The following MUC5B variants were observed in gnomAD, a reference collection of about 807,000 sequenced individuals.
MUC5B encodes the protein mucin-5B.
Under a neutral mutation model 376.9 loss-of-function variants are expected in MUC5B, and 116 were observed. The ratio of observed to expected loss-of-function variants is 0.31; its 90% CI spans 0.26 to 0.36. The LOEUF (loss-of-function observed/expected upper bound fraction) is 0.36, where lower values mean the gene tolerates loss of function less well. MUC5B is among the 10% of genes least tolerant of loss of function. The pLI is 1.00. For missense variants in MUC5B, 7,165 were observed against 7,769.9 expected, an observed-to-expected ratio of 0.92 and a Z score of 2.93; for synonymous variants, 3,517 against 3,390.9, an observed-to-expected ratio of 1.04 and a Z score of -1.29.
At position 1,231,014 on chromosome 11, in the gene MUC5B, C is replaced by T. The variant is rs1862015943; in HGVS notation, c.1540+9C>T. 4 of 1,586,294 alleles carry T rather than the reference C, an allele frequency of 2.5e-6. No individual in the cohort carries two copies. The highest frequency in any genetic ancestry group is 3.4e-6 in the Non-Finnish European group (4 of 1,167,404). ...GCTGCCCCTGTCGGCAGGTATGTGG[C>T]TCTCCCAGGACGGCCGGGCTGGGTG... On this transcript the variant is annotated intron_variant, in intron 13 of 48. Transcript: ENST00000529681.
At chr11:1,226,989 C>A (rs760924510) in intron 4 of MUC5B, 42 bp from the exon 5 acceptor site, 1 of 1,582,992 alleles carries the variant, frequency 6.3e-7, no homozygotes, top group East Asian at 2.3e-5. Context: ...GGCAGGCAGC[C>A]AGGAGAGCGG....
Position 1,254,254 on chromosome 11 carries a change from C to A in MUC5B, c.15380C>A (p.Ala5127Asp), listed in dbSNP as rs773284464. ...DNHYCTASAT[A>D]AAARCPRALS... ...CACTACTGCACGGCCTCTGCCACTG[C>A]CGCTGCCGCCCGCTGCCCCCGCGCC... Residue 5127 changes from alanine (A) to aspartate (D), a missense_variant, in exon 34 of 49, where the codon GCC becomes GAC. By Grantham distance (126) the Ala-to-Asp change is moderately radical. Transcript: ENST00000529681. 6 of 1,612,086 alleles carry A rather than the reference C, an allele frequency of 3.7e-6. No individual in the cohort carries two copies. The East Asian group carries it at 1.3e-4, about 36-fold the overall frequency.
intron 23 of MUC5B, among the ~76,000 whole-genome samples, chr11:1,236,090 G>T (rs933526295): frequency 1.3e-5 from 2 of 152,210 alleles, no homozygotes; most frequent in Non-Finnish European, 2.9e-5. Flanking sequence ...GTGTGAGGGC[G>T]TGGGGGCTGC....
In MUC5B at chr11:1,258,098, G is replaced by A; in HGVS notation, c.16451-1G>A. ...AGACAGTGGCCTCCATCCTCCCGCA[G>A]TGTGCAACACAACCACCTGCCCCCA... On this transcript the variant is annotated splice_acceptor_variant, in intron 41 of 48. Coordinates refer to ENST00000529681, the MANE Select transcript of MUC5B (RefSeq NM_002458.3). LOFTEE classifies it high-confidence loss of function. The surrounding 1 kb of genome is among the most constrained non-coding windows in gnomAD (Gnocchi z 5.5). 6.3e-7 allele frequency: 1 copy of A among 1,580,202 alleles called. No individual in the cohort carries two copies. Among genetic ancestry groups the A allele is most frequent in the Non-Finnish European group, 8.6e-7 (1 of 1,165,180 alleles).
In MUC5B at chr11:1,242,472, C is replaced by T. The variant is rs200172415; in HGVS notation, c.5592C>T (p.Gly1864=). The T allele has an allele frequency of 6.2e-7, 1 of 1,613,792 alleles. No homozygotes were observed. The highest frequency in any genetic ancestry group is 8.5e-7 in the Non-Finnish European group (1 of 1,179,820). Residue 1864 remains glycine, a synonymous_variant, in exon 31 of 49, where the codon GGC becomes GGT. Transcript: ENST00000529681. ...CCTGCAAGAACGAAGACCAGACAGG[C>T]AGGTTCAACATGTGCTTCAACTACA... is the stretch of plus-strand genomic sequence containing the variant. ...GLTCKNEDQT[G]RFNMCFNYNV... is the part of the protein sequence containing the mutation.
At chr11:1,231,789 G>A (rs566868763) in intron 14 of MUC5B, among the ~76,000 whole-genome samples, 29 of 152,246 alleles carry the variant, frequency 1.9e-4, no homozygotes, top group Non-Finnish European at 2.8e-4. Flanking sequence ...GGCTCAGGCC[G>A]ACTTTGCACA....
At position 1,249,851 on chromosome 11, in the gene MUC5B, C is replaced by T. The variant is rs763980141; in HGVS notation, c.12971C>T (p.Thr4324Ile). 5.6e-6 allele frequency: 9 copies of T among 1,613,606 alleles called. No individual in the cohort carries two copies. Among genetic ancestry groups the T allele is most frequent in the Non-Finnish European group, 6.8e-6 (8 of 1,179,820 alleles). Residue 4324 changes from threonine to isoleucine, a missense_variant, in exon 31 of 49, where the codon ACA (threonine) becomes ATA (isoleucine). Physicochemically the swap from Thr to Ile is moderately conservative, Grantham distance 89. Coordinates refer to ENST00000529681, the MANE Select transcript of MUC5B (RefSeq NM_002458.3). ...TATKSTATSV[T>I]PIPSSTLGTT... ...ACCAAATCCACAGCTACCAGCGTTACACCCATCCCCTCCTCCACCCTTGGG... is the reference window on the plus strand; with the variant it reads ...ACCAAATCCACAGCTACCAGCGTTATACCCATCCCCTCCTCCACCCTTGGG...
chr11:1,239,935 C>T lies in MUC5B; in HGVS notation c.3720C>T (p.Cys1240=). Residue 1240 remains cysteine (C), a synonymous_variant, in exon 28 of 49, where the codon TGC becomes TGT. Coordinates refer to ENST00000529681, the MANE Select transcript of MUC5B (RefSeq NM_002458.3). ...VGARVPTAEN[C]QSCNCTPSGI... ...CAAGGGTCCCCACAGCGGAGAACTG[C>T]CAGAGCTGGTGAGGGGGTGGGAAGC... The T allele has an allele frequency of 6.2e-7, 1 of 1,613,126 alleles. No individual in the cohort carries two copies. Among genetic ancestry groups the T allele is most frequent in the Non-Finnish European group, 8.5e-7 (1 of 1,179,626 alleles).
At position 1,242,114 on chromosome 11, in the gene MUC5B, T is replaced by C; in HGVS notation, c.5234T>C (p.Leu1745Pro). The change falls in exon 31 of 49, where the codon CTG (leucine) becomes CCG (proline). Residue 1745 changes from leucine to proline, a missense_variant. Leu to Pro is a moderately conservative substitution (Grantham distance 98). Around this residue, in one of 31 missense-constraint regions of MUC5B, gnomAD observed 897 missense variants for 779.6 expected, o/e 1.15. Transcript: ENST00000529681. Reference sequence around the variant, plus strand: ...TCCAAAGAGCCGCTGACCACGAGCCTGGCGCCAACACTCACGAGCGAGCTG... The same window carrying C: ...TCCAAAGAGCCGCTGACCACGAGCCCGGCGCCAACACTCACGAGCGAGCTG... The part of the protein sequence containing the change: ...TASKEPLTTS[L>P]APTLTSELST... The C allele has an allele frequency of 1.9e-6, 3 of 1,613,330 alleles. No homozygotes were observed. The highest frequency in any genetic ancestry group is 2.5e-6 in the Non-Finnish European group (3 of 1,179,792).
chr11:1,231,920 C>T, intron 14 of MUC5B, 76 bp from the exon 15 acceptor site: 1 of 1,584,340 alleles, frequency 6.3e-7, no homozygotes, highest in East Asian at 2.2e-5. Context: ...CTGTGTGGTG[C>T]CTGGAGGGAT....
chr11:1,233,773 G>A lies in MUC5B; in HGVS notation c.2322-20G>A. On this transcript the variant is annotated intron_variant, in intron 18 of 48. Transcript: ENST00000529681. ...GGGGTGAGGGCCGCAGATCCAGGCT[G>A]TGCCGTCTGTCTCTTGTAGTTCATG... 3 of 1,596,994 alleles carry A rather than the reference G, an allele frequency of 1.9e-6. No individual in the cohort carries two copies. The highest frequency in any genetic ancestry group is 1.7e-6 in the Non-Finnish European group (2 of 1,172,514).
intron 9 of MUC5B, 30 bp downstream of exon 9, chr11:1,229,325 G>C: frequency 6.6e-7 from 1 of 1,514,796 alleles, no homozygotes; most frequent in Non-Finnish European, 8.8e-7. Flanking sequence ...AACCCCTCAG[G>C]GGGCTTTCAG....
intron 35 of MUC5B, 79 bp downstream of exon 35, chr11:1,254,959 G>A (rs1862796719): frequency 7.4e-6 from 6 of 812,746 alleles, no homozygotes; most frequent in Non-Finnish European, 1.1e-5. Flanking sequence ...GAAGCCTGGG[G>A]AGGGGAATGA....
In MUC5B at chr11:1,244,824, C is replaced by T. The variant is rs779411461; in HGVS notation, c.7944C>T (p.Thr2648=). The change falls in exon 31 of 49, where the codon ACC becomes ACT. Residue 2648 remains threonine, a synonymous_variant. Transcript: ENST00000529681. ...TTPTTRGSTV[T]PSSIPGTTHT... ...CCACAACCAGAGGTTCCACGGTGAC[C>T]CCCTCCTCCATCCCGGGGACCACCC... 6.2e-7 allele frequency: 1 copy of T among 1,613,666 alleles called. No homozygotes were observed. Among genetic ancestry groups the T allele is most frequent in the Non-Finnish European group, 8.5e-7 (1 of 1,179,766 alleles).
intron 19 of MUC5B, 93 bp downstream of exon 19, chr11:1,233,941 C>A: frequency 1.5e-6 from 2 of 1,318,878 alleles, no homozygotes; most frequent in Non-Finnish European, 2.1e-6. Flanking sequence ...CCCACCCCAC[C>A]TGAACCCTGC....
rs765291974 is a variant in MUC5B at position 1,257,959 on chromosome 11, C to T, written c.16451-140C>T. The T allele has an allele frequency of 7.7e-4, 748 of 976,860 alleles. No individual in the cohort carries two copies. Among genetic ancestry groups the T allele is most frequent in the Non-Finnish European group, 1.1e-3 (701 of 662,076 alleles). The allele number at this position is 976,860 out of a possible 1,614,324, so 60.5% of individuals were successfully genotyped here. ...GGGAAGCAGCGGGGAGGTGGCCAAG[C>T]AAGGGGCCTGGAGGGAGCCCCCAGG... On this transcript the variant is annotated intron_variant, in intron 41 of 48. Coordinates refer to ENST00000529681, the MANE Select transcript of MUC5B (RefSeq NM_002458.3). The surrounding 1 kb of genome is among the most constrained non-coding windows in gnomAD (Gnocchi z 8.9).
chr11:1,248,615 C>A lies in MUC5B; in HGVS notation c.11735C>A (p.Thr3912Asn). 6.2e-7 allele frequency: 1 copy of A among 1,612,782 alleles called. No individual in the cohort carries two copies. Among genetic ancestry groups the A allele is most frequent in the Non-Finnish European group, 8.5e-7 (1 of 1,179,512 alleles). ...GTGACCCCCTCCTCCGTCCCGGGGA[C>A]CACCCACACCCCCACAGTGCTGACC... is the stretch of plus-strand genomic sequence containing the variant. ...STVTPSSVPGTTHTPTVLTTT... is the reference protein window; with the variant it reads ...STVTPSSVPGNTHTPTVLTTT... Residue 3912 changes from threonine to asparagine, a missense_variant, in exon 31 of 49, where the codon ACC becomes AAC. By Grantham distance (65) the Thr-to-Asn change is moderately conservative. This residue lies in a region of MUC5B where 242 missense variants were observed against 199.0 expected (regional missense o/e 1.22). Coordinates refer to ENST00000529681, the MANE Select transcript of MUC5B (RefSeq NM_002458.3).
rs1862465568 is a variant in MUC5B at position 1,246,323 on chromosome 11, C to G, written c.9443C>G (p.Thr3148Ser). 1.2e-6 allele frequency: 2 copies of G among 1,602,038 alleles called. No individual in the cohort carries two copies. The highest frequency in any genetic ancestry group is 2.3e-5 in the East Asian group (1 of 44,130). Residue 3148 changes from threonine (T) to serine (S), a missense_variant, in exon 31 of 49, where the codon ACT becomes AGT. Transcript: ENST00000529681. Reference sequence around the variant, plus strand: ...ACAGCAGCCACTACAACTGCAGCCACTGGCCCCACGGCCACCCCGTCCTCC... The same window carrying G: ...ACAGCAGCCACTACAACTGCAGCCAGTGGCCCCACGGCCACCCCGTCCTCC... ...LTTAATTTAATGPTATPSSTP... is the reference protein window; with the variant it reads ...LTTAATTTAASGPTATPSSTP...
chr11:1,227,439 C>T (rs145235085), intron 6 of MUC5B, 41 bp downstream of exon 6: 91 of 1,485,732 alleles, frequency 6.1e-5, no homozygotes, highest in Non-Finnish European at 7.5e-5. Context: ...CCAATTATGT[C>T]GGCCAACGAA....
Sources: allele counts gnomAD v4.1 joint callset (sites outside exome capture counted in the v4.1 genomes callset), GRCh38; gene constraint gnomAD v4.1.1; regional missense constraint gnomAD v4.1.1; non-coding constraint Gnocchi (gnomAD v3.1); transcripts MANE v1.5; gene names NCBI Gene and HGNC (gene_info 2026-07-23, HGNC 2026-07-21).